DNAJC1: variants seen among roughly 807,000 people sequenced by gnomAD.
DNAJC1 encodes the protein dnaJ homolog subfamily C member 1.
A neutral mutation model predicts 76.6 loss-of-function variants in DNAJC1; 58 were observed. The observed-to-expected ratio is 0.76, with a 90% CI of 0.61 to 0.94. DNAJC1 has a LOEUF of 0.94. Among genes scored for constraint, DNAJC1 ranks in the 40% least tolerant of loss-of-function variants. The pLI, the probability that DNAJC1 is intolerant of heterozygous loss-of-function variation, is 0.00. For missense variants in DNAJC1, 689 were observed against 677.3 expected (o/e 1.02, Z -0.19); for synonymous variants, 258 against 267.9 (o/e 0.96, Z 0.36).
At chr10:21,998,389 C>CAA (rs60371730) in intron 1 of DNAJC1, among the ~76,000 whole-genome samples, 3,943 of 95,116 alleles carry the variant, frequency 0.041, 204 homozygotes, top group African/African-American at 0.086. Context: ...GACTCCATCT[C>CAA]AAAAAAAAAA....
intron 9 of DNAJC1, among the ~76,000 whole-genome samples, chr10:21,784,782 G>A (rs532027721): frequency 6.8e-4 from 104 of 152,102 alleles, no homozygotes; most frequent in African/African-American, 2.1e-3. Flanking sequence ...CCATCATTCC[G>A]AGCAAACTAT....
chr10:21,763,467 A>G (rs1834262988), intron 10 of DNAJC1, among the ~76,000 whole-genome samples: 1 of 151,370 alleles, frequency 6.6e-6, no homozygotes, highest in Non-Finnish European at 1.5e-5. Context: ...ACTCCAATTC[A>G]TTATTCCCTC....
At chr10:21,803,951 T>G in intron 9 of DNAJC1, 1 of 984,648 alleles carries the variant, frequency 1.0e-6, no homozygotes, top group Non-Finnish European at 1.2e-6. Context: ...AAAATATCTA[T>G]TGCAGACACG....
intron 7 of DNAJC1, among the ~76,000 whole-genome samples, chr10:21,901,866 G>A (rs1590040452): frequency 6.6e-6 from 1 of 152,278 alleles, no homozygotes; most frequent in Non-Finnish European, 1.5e-5. Context: ...AATTAAGAAG[G>A]ATGGGGCAAA....
chr10:21,879,405 C>G (rs1311804809), intron 8 of DNAJC1, among the ~76,000 whole-genome samples: 1 of 152,166 alleles, frequency 6.6e-6, no homozygotes, highest in African/African-American at 2.4e-5. Flanking sequence ...AGGCGGATCA[C>G]TTGAGGCCAA....
At chr10:21,905,660 A>G (rs918755884) in intron 6 of DNAJC1, among the ~76,000 whole-genome samples, 1 of 152,166 alleles carries the variant, frequency 6.6e-6, no homozygotes, top group African/African-American at 2.4e-5. Context: ...TCTCTTCCAG[A>G]TGAGAAATTG....
intron 9 of DNAJC1, among the ~76,000 whole-genome samples, chr10:21,781,549 G>A (rs1411342266): frequency 2.6e-5 from 4 of 151,742 alleles, no homozygotes; most frequent in East Asian, 1.9e-4. Context: ...GTGAAACCCC[G>A]TCTCTACTAA....
At chr10:21,945,608 G>A (rs887363944) in intron 1 of DNAJC1, among the ~76,000 whole-genome samples, 25 of 152,224 alleles carry the variant, frequency 1.6e-4, no homozygotes, top group African/African-American at 6.0e-4. Flanking sequence ...TAAGTCTGTA[G>A]GTTGGTTGTA....
chr10:21,863,727 G>A (rs962467969), intron 8 of DNAJC1, among the ~76,000 whole-genome samples: 5 of 151,950 alleles, frequency 3.3e-5, no homozygotes, highest in Non-Finnish European at 7.4e-5. Flanking sequence ...TATATTAACA[G>A]ATAAAAGAAA....
chr10:21,816,975 A>G (rs1589993457), intron 8 of DNAJC1, among the ~76,000 whole-genome samples: 1 of 147,266 alleles, frequency 6.8e-6, no homozygotes, highest in Middle Eastern at 3.5e-3. Flanking sequence ...TAACACAGTG[A>G]AACCCCGTCT....
At chr10:21,807,745 T>C (rs1834902845) in intron 8 of DNAJC1, among the ~76,000 whole-genome samples, 1 of 152,182 alleles carries the variant, frequency 6.6e-6, no homozygotes, top group Non-Finnish European at 1.5e-5. Context: ...GTACAGCCTC[T>C]ACAATACATG....
At chr10:21,764,418 G>A (rs1317455046) in intron 10 of DNAJC1, among the ~76,000 whole-genome samples, 2 of 151,972 alleles carry the variant, frequency 1.3e-5, no homozygotes, top group African/African-American at 4.8e-5. Context: ...TTCTATTAGC[G>A]AACATTTCTT....
At chr10:21,827,676 C>A (rs1468215420) in intron 8 of DNAJC1, among the ~76,000 whole-genome samples, 3 of 152,134 alleles carry the variant, frequency 2.0e-5, no homozygotes, top group Non-Finnish European at 4.4e-5. Flanking sequence ...TAGAAAGATA[C>A]CAGTTGTTGC....
chr10:21,968,312 T>C (rs938368372), intron 1 of DNAJC1, among the ~76,000 whole-genome samples: 6 of 152,152 alleles, frequency 3.9e-5, no homozygotes, highest in African/African-American at 7.2e-5. Context: ...TATAATTTCA[T>C]TGAAACCTCA....
rs529460634 is a variant in DNAJC1, at chr10:22,003,352, C to T, written c.83G>A (p.Arg28Gln). The T allele has an allele frequency of 2.3e-5, 33 of 1,424,944 alleles. No individual in the cohort carries two copies. The South Asian group carries it at 4.5e-4, about 19-fold the overall frequency. The allele number at this position is 1,424,944 out of a possible 1,614,324, so 88.3% of individuals were successfully genotyped here. A position where few individuals can be genotyped will look rare whatever the true frequency, so the allele number is the denominator to read the frequency against. ...GLVPFPPPPP[R>Q]TPLLWLLLLL... ...CAGCAGCAGCCACAGCAGCGGCGTC[C>T]GCGGCGGCGGCGGCGGGAACGGCAC... The change falls in exon 1 of 12, where the codon CGG (arginine) becomes CAG (glutamine). Residue 28 changes from arginine to glutamine, a missense_variant. Coordinates refer to ENST00000376980, the MANE Select transcript of DNAJC1 (RefSeq NM_022365.4).
At chr10:21,985,312 C>T (rs1381537674) in intron 1 of DNAJC1, among the ~76,000 whole-genome samples, 3 of 150,446 alleles carry the variant, frequency 2.0e-5, no homozygotes, top group African/African-American at 4.9e-5. Context: ...TGCAGGGGCA[C>T]GATCTTGGCT....
chr10:21,998,572 C>T (rs1053646448), intron 1 of DNAJC1, among the ~76,000 whole-genome samples: 1 of 151,956 alleles, frequency 6.6e-6, no homozygotes, highest in Non-Finnish European at 1.5e-5. Flanking sequence ...TCATCTTCCC[C>T]CCATCTCCTC....
chr10:21,780,623 AC>A (rs1382477012), intron 9 of DNAJC1, among the ~76,000 whole-genome samples: 2 of 152,258 alleles, frequency 1.3e-5, no homozygotes, highest in African/African-American at 4.8e-5. Flanking sequence ...AACAACTGGT[AC>A]CAGCCACTGC....
Position 21,882,441 on chromosome 10 carries a change from T to A in DNAJC1, c.821-2A>T. On this transcript the variant is annotated splice_acceptor_variant, in intron 7 of 11. Coordinates refer to ENST00000376980, the MANE Select transcript of DNAJC1 (RefSeq NM_022365.4). LOFTEE classifies it high-confidence loss of function. ...TTGGTTTTTTAACTTTCTTCTGTTC[T>A]AAAAAATGTTTAAAAGAACCAATTA... 6.8e-7 allele frequency: 1 copy of A among 1,477,954 alleles called. No homozygotes were observed. The highest frequency in any genetic ancestry group is 9.0e-7 in the Non-Finnish European group (1 of 1,110,152). The allele number at this position is 1,477,954 out of a possible 1,614,324, so 91.6% of individuals were successfully genotyped here. A position where few individuals can be genotyped will look rare whatever the true frequency, so the allele number is the denominator to read the frequency against.
Sources: allele counts gnomAD v4.1 joint callset (sites outside exome capture counted in the v4.1 genomes callset), GRCh38; gene constraint gnomAD v4.1.1; transcripts MANE v1.5; gene names NCBI Gene and HGNC (gene_info 2026-07-23, HGNC 2026-07-21).